The following MCF2 variants were observed in gnomAD, a reference collection of about 807,000 sequenced individuals.
MCF2 encodes the protein proto-oncogene DBL.
MCF2 carries 44 observed loss-of-function variants against 82.5 expected under a neutral mutation model. The ratio of observed to expected loss-of-function variants is 0.53; its 90% CI spans 0.42 to 0.69. The LOEUF (loss-of-function observed/expected upper bound fraction) is 0.69, where lower values mean the gene tolerates loss of function less well. Ranked by LOEUF, MCF2 falls within the 30% of genes least tolerant of loss-of-function variation. MCF2 has a pLI of 0.00. For synonymous variants in MCF2, 217 were observed against 224.9 expected (o/e 0.96, Z 0.32); for missense variants, 623 against 663.1 (o/e 0.94, Z 0.66).
intron 19 of MCF2, among the ~76,000 whole-genome samples, chrX:139,592,631 T>C (rs192705364): frequency 6.3e-5 from 7 of 111,460 alleles, no homozygotes; most frequent in African/African-American, 2.3e-4. Flanking sequence ...AAATTTATGG[T>C]TCTCAATCTA....
intron 1 of MCF2, among the ~76,000 whole-genome samples, chrX:139,639,617 G>A (rs747394260): frequency 9.0e-6 from 1 of 111,520 alleles, no homozygotes; most frequent in Non-Finnish European, 1.9e-5. Flanking sequence ...TGATCTTACA[G>A]CAGTAACAAC....
At chrX:139,705,200 C>T (rs1935567927) in intron 1 of MCF2, among the ~76,000 whole-genome samples, 1 of 111,749 alleles carries the variant, frequency 8.9e-6, no homozygotes, top group Non-Finnish European at 1.9e-5. Flanking sequence ...GTAATTCCAG[C>T]TACTGGGGAG....
chrX:139,629,841 T>C (rs771375013), exon 4 of MCF2: 3 of 1,203,183 alleles, frequency 2.5e-6, no homozygotes, highest in African/African-American at 3.5e-5. Flanking sequence ...AAATTTTCTA[T>C]AGCCTGCAAA....
chrX:139,595,305 T>C (rs1399735115), intron 19 of MCF2, among the ~76,000 whole-genome samples: 7 of 109,845 alleles, frequency 6.4e-5, no homozygotes, highest in African/African-American at 2.3e-4. Flanking sequence ...CTATTCACAA[T>C]AGCAAAGACT....
chrX:139,602,439 A>C (rs755151575), exon 16 of MCF2: 2 of 1,205,922 alleles, frequency 1.7e-6, no homozygotes, highest in Non-Finnish European at 2.2e-6. Flanking sequence ...ACTTCCTCCA[A>C]ATTGTTTCTG....
chrX:139,589,009 A>G (rs1403277473), intron 20 of MCF2, among the ~76,000 whole-genome samples: 1 of 111,321 alleles, frequency 9.0e-6, no homozygotes, highest in Non-Finnish European at 1.9e-5. Flanking sequence ...ATATAATTTC[A>G]CTTATTTTGT....
At chrX:139,658,331 G>A (rs1156581020) in intron 1 of MCF2, among the ~76,000 whole-genome samples, 1 of 93,407 alleles carries the variant, frequency 1.1e-5, no homozygotes, top group Non-Finnish European at 2.0e-5. Context: ...ATTGGATTAA[G>A]CAATGTGGGT....
At chrX:139,668,603 C>G (rs5954145) in intron 1 of MCF2, among the ~76,000 whole-genome samples, 3,078 of 111,401 alleles carry the variant, frequency 0.028, 118 homozygotes, top group African/African-American at 0.095. Flanking sequence ...GCCTCTCTTC[C>G]TTCTCTTTCC....
At chrX:139,664,435 T>A (rs1237028796) in intron 1 of MCF2, among the ~76,000 whole-genome samples, 1 of 112,638 alleles carries the variant, frequency 8.9e-6, no homozygotes, top group Non-Finnish European at 1.9e-5. Flanking sequence ...TTCCTTTACA[T>A]TGAGTCTATG....
At chrX:139,656,050 G>T (rs989668352) in intron 1 of MCF2, among the ~76,000 whole-genome samples, 8 of 110,983 alleles carry the variant, frequency 7.2e-5, no homozygotes, top group East Asian at 2.8e-4. Flanking sequence ...GTTTTTTTTT[G>T]TTTGTTTGTT....
At chrX:139,632,529 T>C (rs189464171) in intron 1 of MCF2, 75 bp from the exon 5 acceptor site, 1 of 879,292 alleles carries the variant, frequency 1.1e-6, no homozygotes, top group Non-Finnish European at 1.6e-6. Context: ...TATCAGAAAA[T>C]ATGTAACTGA....
At chrX:139,589,570 A>G (rs1489046743) in intron 20 of MCF2, among the ~76,000 whole-genome samples, 1 of 111,614 alleles carries the variant, frequency 9.0e-6, no homozygotes, top group Non-Finnish European at 1.9e-5. Flanking sequence ...ACAGAGAAGT[A>G]CCTGCCAAGC....
At chrX:139,693,483 A>AACACAC (rs67506907) in intron 1 of MCF2, among the ~76,000 whole-genome samples, 55 of 98,433 alleles carry the variant, frequency 5.6e-4, no homozygotes, top group African/African-American at 1.9e-3. Flanking sequence ...GTAGGGGAGG[A>AACACAC]ACACACACAC....
intron 1 of MCF2, among the ~76,000 whole-genome samples, chrX:139,662,827 A>T (rs917752098): frequency 9.0e-6 from 1 of 110,885 alleles, no homozygotes; most frequent in African/African-American, 3.3e-5. Flanking sequence ...AGTCTCTGTT[A>T]TCTGTCTTTT....
rs1185513635 is a variant in MCF2 at position 139,582,989 on chromosome X, C to T, written c.2746-486G>A. On this transcript the variant is annotated intron_variant, in intron 24 of 24. Transcript: ENST00000370576. ...AGATTCCCAAAGTGTGGGAGACAGA[C>T]TGTTGTGGGTTCCTGAGACCCTTTC... Among the ~76,000 whole-genome samples the T allele has an allele frequency of 3.6e-5, 4 of 111,890 alleles. No individual in the cohort carries two copies. In the Admixed American group the frequency reaches 3.8e-4, roughly 11 times the overall value.
chrX:139,587,824 G>C, intron 21 of MCF2, 36 bp from the exon 26 acceptor site: 5 of 910,133 alleles, frequency 5.5e-6, no homozygotes, highest in Non-Finnish European at 7.9e-6. Context: ...TCATTCAGAA[G>C]TCACACTTCT....
chrX:139,621,820 C>T (rs1932389178), intron 6 of MCF2, among the ~76,000 whole-genome samples: 1 of 111,265 alleles, frequency 9.0e-6, no homozygotes, highest in South Asian at 3.8e-4. Flanking sequence ...TAGGCATGGG[C>T]AAGGACTTCA....
At chrX:139,698,557 C>G (rs1486771918) in intron 1 of MCF2, among the ~76,000 whole-genome samples, 1 of 112,013 alleles carries the variant, frequency 8.9e-6, no homozygotes, top group African/African-American at 3.2e-5. Flanking sequence ...CCAAGTTAAA[C>G]AGCTAGATGA....
At chrX:139,692,058 T>TG in intron 1 of MCF2, 1 of 1,166,066 alleles carries the variant, frequency 8.6e-7, no homozygotes, top group Non-Finnish European at 1.1e-6. Context: ...ATCTGGGTTC[T>TG]GGGGCAGGCC....
Sources: gnomAD v4.1 joint callset for allele counts (sites outside exome capture counted in the v4.1 genomes callset) on GRCh38, gnomAD v4.1.1 for gene constraint, MANE v1.5 for transcripts, NCBI Gene and HGNC (gene_info 2026-07-23, HGNC 2026-07-21) for gene names.